Variants in PRRX1 observed in about 807,000 individuals in gnomAD.
PRRX1 encodes paired mesoderm homeobox protein 1.
In PRRX1, 8 loss-of-function variants were observed where a neutral mutation model predicts 24.0. That is an observed-to-expected ratio of 0.33 (90% CI 0.20 to 0.60). The LOEUF (loss-of-function observed/expected upper bound fraction) is 0.60, where lower values mean the gene tolerates loss of function less well. Among genes scored for constraint, PRRX1 ranks in the 20% least tolerant of loss-of-function variants. The pLI is 0.82. For missense variants in PRRX1, 281 were observed against 322.4 expected (o/e 0.87, Z 0.98); for synonymous variants, 160 against 131.7 (o/e 1.22, Z -1.47).
chr1:170,707,050 A>G (rs984760866), intron 1 of PRRX1, among the ~76,000 whole-genome samples: 18 of 152,042 alleles, frequency 1.2e-4, no homozygotes, highest in Non-Finnish European at 4.4e-5. Context: ...ACTTGAGCCC[A>G]GTAAATGAGG....
At chr1:170,713,801 G>T (rs1023509006) in intron 1 of PRRX1, among the ~76,000 whole-genome samples, 3 of 152,138 alleles carry the variant, frequency 2.0e-5, no homozygotes, top group Non-Finnish European at 2.9e-5. Context: ...GACTAAAAAT[G>T]AACCAAGTCT....
rs753405507 is a variant in PRRX1, at chr1:170,680,931, T to C, written c.241+16472T>C. On this transcript the variant is annotated intron_variant, in intron 1 of 3. Coordinates refer to ENST00000239461, the MANE Select transcript of PRRX1 (RefSeq NM_022716.4). ...ATGTGGTTCTATTCCTGTTAACCCA[T>C]GGGTATGTAAAATGTATCAATGAAA... 9.3e-4 allele frequency among the ~76,000 whole-genome samples: 141 copies of C among 152,328 alleles called. 3 individuals are homozygous for C. The highest frequency in any genetic ancestry group is 2.9e-4 in the Non-Finnish European group (20 of 68,022).
intron 1 of PRRX1, among the ~76,000 whole-genome samples, chr1:170,685,226 T>C (rs557407511): frequency 6.6e-6 from 1 of 152,302 alleles, no homozygotes; most frequent in African/African-American, 2.4e-5. Flanking sequence ...GAAAATTGGG[T>C]CAGAGTAAGC....
At chr1:170,735,886 C>T (rs1010320638) in intron 3 of PRRX1, among the ~76,000 whole-genome samples, 162 bp from the exon 4 acceptor site, 3 of 152,182 alleles carry the variant, frequency 2.0e-5, no homozygotes, top group African/African-American at 7.2e-5. Flanking sequence ...GTACCTTAGA[C>T]GAATGGAAAG....
intron 1 of PRRX1, among the ~76,000 whole-genome samples, chr1:170,694,851 A>G (rs1462949721): frequency 6.6e-6 from 1 of 152,300 alleles, no homozygotes; most frequent in East Asian, 1.9e-4. Flanking sequence ...GTATGATAAC[A>G]TCTAAGGATT....
chr1:170,686,354 A>G (rs1001179763), intron 1 of PRRX1, among the ~76,000 whole-genome samples: 4 of 152,194 alleles, frequency 2.6e-5, no homozygotes, highest in Non-Finnish European at 5.9e-5. Flanking sequence ...AAAAGGAGCT[A>G]CAGCAGCACT....
At chr1:170,662,979 T>C (rs1006451716), upstream of PRRX1, 1 of 152,140 alleles carries the variant, frequency 6.6e-6, no homozygotes, top group Non-Finnish European at 1.5e-5. Context: ...GAATGATAAT[T>C]AGACCTTTAG....
intron 3 of PRRX1, among the ~76,000 whole-genome samples, chr1:170,729,923 A>G (rs1005528313): frequency 6.6e-6 from 1 of 152,228 alleles, no homozygotes; most frequent in Non-Finnish European, 1.5e-5. Context: ...CAGACTCACT[A>G]ATCTTGCAGT....
chr1:170,681,240 G>A (rs539283615), intron 1 of PRRX1, among the ~76,000 whole-genome samples: 2 of 152,320 alleles, frequency 1.3e-5, no homozygotes, highest in East Asian at 3.9e-4. Flanking sequence ...GAGACTCAGA[G>A]GAGTTGGAGC....
chr1:170,710,263 T>C (rs1032438163), intron 1 of PRRX1, among the ~76,000 whole-genome samples: 1 of 152,212 alleles, frequency 6.6e-6, no homozygotes, highest in Admixed American at 6.5e-5. Context: ...TGAGCAATTA[T>C]TGAAAGTTTT....
At chr1:170,685,890 T>TC (rs1301778841) in intron 1 of PRRX1, among the ~76,000 whole-genome samples, 1 of 151,956 alleles carries the variant, frequency 6.6e-6, no homozygotes, top group African/African-American at 2.4e-5. Flanking sequence ...TAATTGATTT[T>TC]TTTTTTACAA....
intron 1 of PRRX1, among the ~76,000 whole-genome samples, chr1:170,713,952 G>A (rs546182460): frequency 7.9e-5 from 12 of 152,150 alleles, no homozygotes; most frequent in East Asian, 1.9e-4. Flanking sequence ...CTCTTGATAC[G>A]TGCTGGGAGT....
intron 3 of PRRX1, among the ~76,000 whole-genome samples, chr1:170,731,769 C>G (rs1439598953): frequency 6.6e-6 from 1 of 152,144 alleles, no homozygotes; most frequent in Admixed American, 6.6e-5. Context: ...AATCTCCAAA[C>G]AAGTAAATGG....
chr1:170,713,936 T>G (rs1654825015), intron 1 of PRRX1, among the ~76,000 whole-genome samples: 1 of 152,166 alleles, frequency 6.6e-6, no homozygotes, highest in Non-Finnish European at 1.5e-5. Flanking sequence ...GGCAGAGATT[T>G]GTTCGCTCTT....
chr1:170,700,104 T>C (rs572209706), intron 1 of PRRX1, among the ~76,000 whole-genome samples: 1 of 152,306 alleles, frequency 6.6e-6, no homozygotes, highest in Admixed American at 6.5e-5. Context: ...CTTAAAAATG[T>C]CCTATGGCCT....
chr1:170,676,945 G>T (rs956890620), intron 1 of PRRX1, among the ~76,000 whole-genome samples: 2 of 152,126 alleles, frequency 1.3e-5, no homozygotes, highest in Admixed American at 6.5e-5. Flanking sequence ...TAACACAGCA[G>T]GTTGGAAAGA....
chr1:170,665,460 T>C (rs1196674905), intron 1 of PRRX1, among the ~76,000 whole-genome samples: 2 of 152,226 alleles, frequency 1.3e-5, no homozygotes, highest in East Asian at 1.9e-4. Context: ...AGATACTCCC[T>C]CTTCTCCTCG....
chr1:170,675,650 T>C (rs1653296564), intron 1 of PRRX1, among the ~76,000 whole-genome samples: 1 of 152,160 alleles, frequency 6.6e-6, no homozygotes. Context: ...TACCCAGACA[T>C]GAGCATCTAC....
At chr1:170,694,597 T>G (rs1308186444) in intron 1 of PRRX1, among the ~76,000 whole-genome samples, 1 of 152,136 alleles carries the variant, frequency 6.6e-6, no homozygotes, top group Non-Finnish European at 1.5e-5. Context: ...AGGATAGTAC[T>G]TTAAATCTGG....
Sources: gnomAD v4.1 joint callset for allele counts (sites outside exome capture counted in the v4.1 genomes callset) on GRCh38, gnomAD v4.1.1 for gene constraint, MANE v1.5 for transcripts, NCBI Gene and HGNC (gene_info 2026-07-23, HGNC 2026-07-21) for gene names.